The following CMIP variants were observed in gnomAD, a reference collection of about 807,000 sequenced individuals.
CMIP encodes c-Maf inducing protein, also known as C-Maf-inducing protein.
CMIP carries 13 observed loss-of-function variants against 97.3 expected under a neutral mutation model. The observed-to-expected ratio is 0.13, with a 90% CI of 0.09 to 0.21. The LOEUF (loss-of-function observed/expected upper bound fraction) is 0.21. Ranked by LOEUF, CMIP falls within the 10% of genes least tolerant of loss-of-function variation. The pLI is 1.00. For missense variants in CMIP, 847 were observed against 1,024.9 expected, an observed-to-expected ratio of 0.83 and a Z score of 2.37; for synonymous variants, 538 against 436.3, an observed-to-expected ratio of 1.23 and a Z score of -2.91.
intron 9 of CMIP, 62 bp from the exon 10 acceptor site, chr16:81,678,213 G>T: frequency 7.8e-7 from 1 of 1,281,548 alleles, no homozygotes; most frequent in Admixed American, 2.5e-5. Flanking sequence ...TTAGTCTGAT[G>T]GGTCATGGTG....
chr16:81,649,457 G>A (rs1326953213), intron 3 of CMIP, among the ~76,000 whole-genome samples: 1 of 152,242 alleles, frequency 6.6e-6, no homozygotes, highest in African/African-American at 2.4e-5. Flanking sequence ...ATCTGTGTGT[G>A]GAGAACAGGA....
chr16:81,701,256 G>A (rs1907366712), intron 15 of CMIP, among the ~76,000 whole-genome samples: 1 of 152,196 alleles, frequency 6.6e-6, no homozygotes, highest in Non-Finnish European at 1.5e-5. Flanking sequence ...CCAGGGCTCT[G>A]AGCCATTCCG....
At chr16:81,596,103 A>G (rs2091550933) in intron 1 of CMIP, among the ~76,000 whole-genome samples, 11 of 152,114 alleles carry the variant, frequency 7.2e-5, no homozygotes, top group Admixed American at 7.2e-4. Context: ...TATGAGTATA[A>G]TCTCACTTTT....
intron 1 of CMIP, among the ~76,000 whole-genome samples, chr16:81,570,961 A>G (rs969244142): frequency 1.3e-5 from 2 of 152,190 alleles, no homozygotes; most frequent in Non-Finnish European, 2.9e-5. Context: ...CAGAAAAGGG[A>G]CATTAGAGAA....
chr16:81,523,330 T>C (rs2090065414), intron 1 of CMIP, among the ~76,000 whole-genome samples: 1 of 152,258 alleles, frequency 6.6e-6, no homozygotes, highest in African/African-American at 2.4e-5. Context: ...TTCATTTCTT[T>C]TGATTACTGT....
chr16:81,706,192 G>C (rs943588398), intron 19 of CMIP, among the ~76,000 whole-genome samples: 5 of 152,242 alleles, frequency 3.3e-5, no homozygotes, highest in Non-Finnish European at 7.3e-5. Flanking sequence ...TTCTGTATTT[G>C]ACCAGCTTTC....
intron 1 of CMIP, among the ~76,000 whole-genome samples, chr16:81,575,296 T>A (rs1467253291): frequency 6.6e-6 from 1 of 152,186 alleles, no homozygotes; most frequent in Non-Finnish European, 1.5e-5. Flanking sequence ...CTCTGGGCTT[T>A]ACCAGGCTCA....
chr16:81,479,493 G>A (rs1211052693), intron 1 of CMIP, among the ~76,000 whole-genome samples: 1 of 152,046 alleles, frequency 6.6e-6, no homozygotes, highest in African/African-American at 2.4e-5. Flanking sequence ...CCCATTAAAT[G>A]TTAACTCCTA....
intron 1 of CMIP, among the ~76,000 whole-genome samples, chr16:81,508,408 C>G (rs1395151233): frequency 6.6e-6 from 1 of 152,218 alleles, no homozygotes; most frequent in Non-Finnish European, 1.5e-5. Context: ...TATTTTCTCA[C>G]TAAACAATAG....
chr16:81,597,860 C>A (rs536713413), intron 1 of CMIP, among the ~76,000 whole-genome samples: 2 of 152,080 alleles, frequency 1.3e-5, no homozygotes, highest in African/African-American at 2.4e-5. Context: ...CTGTCTCCCC[C>A]CCAGCTTGAT....
At chr16:81,573,032 T>G (rs2091123266) in intron 1 of CMIP, among the ~76,000 whole-genome samples, 1 of 152,194 alleles carries the variant, frequency 6.6e-6, no homozygotes, top group Non-Finnish European at 1.5e-5. Flanking sequence ...GTCAGAGCCA[T>G]AATAGTGACA....
intron 1 of CMIP, among the ~76,000 whole-genome samples, chr16:81,569,479 G>A (rs1024163926): frequency 2.6e-4 from 40 of 152,234 alleles, no homozygotes; most frequent in Non-Finnish European, 8.8e-5. Context: ...GGCCTCAGGG[G>A]ATCCTGGCTT....
In CMIP at chr16:81,506,902, C is replaced by G. The variant is rs531165265; in HGVS notation, c.300+61361C>G. ...CCTGGATGACAGAGCGAGACTCCGT[C>G]TCAAAAAAAAAAAAAAAAAGAAATG... On this transcript the variant is annotated intron_variant, in intron 1 of 20. Coordinates refer to ENST00000537098, the MANE Select transcript of CMIP (RefSeq NM_198390.3). Among the ~76,000 whole-genome samples, 16 of 108,734 alleles carry G rather than the reference C, an allele frequency of 1.5e-4. No homozygotes were observed. In the East Asian group the frequency reaches 4.2e-3, roughly 28 times the overall value. The allele number at this position is 108,734 out of a possible 152,430, so 71.3% of individuals were successfully genotyped here.
chr16:81,603,236 C>T (rs187273161), intron 1 of CMIP, among the ~76,000 whole-genome samples: 18 of 152,194 alleles, frequency 1.2e-4, no homozygotes, highest in Admixed American at 3.9e-4. Flanking sequence ...CCCGCCACCA[C>T]GCCTGGCTCG....
intron 3 of CMIP, among the ~76,000 whole-genome samples, chr16:81,650,819 G>C (rs2092419551): frequency 6.6e-6 from 1 of 152,160 alleles, no homozygotes; most frequent in Non-Finnish European, 1.5e-5. Flanking sequence ...TACAGAACAG[G>C]ACCCTAAGGC....
At chr16:81,569,147 G>T (rs1157825107) in intron 1 of CMIP, among the ~76,000 whole-genome samples, 5 of 152,186 alleles carry the variant, frequency 3.3e-5, no homozygotes, top group Admixed American at 2.6e-4. Context: ...TAAATTGGAT[G>T]CTCTTGGGGT....
intron 1 of CMIP, among the ~76,000 whole-genome samples, chr16:81,521,943 G>C (rs1352592537): frequency 1.3e-5 from 2 of 152,180 alleles, no homozygotes; most frequent in Admixed American, 1.3e-4. Flanking sequence ...GAAATGCAGG[G>C]TACAGAATAT....
intron 1 of CMIP, among the ~76,000 whole-genome samples, chr16:81,577,552 T>G (rs2091216333): frequency 7.1e-6 from 1 of 141,656 alleles, no homozygotes; most frequent in South Asian, 2.3e-4. Flanking sequence ...TATATTATTA[T>G]CACTATCACC....
rs1385940493 is a variant in CMIP, at chr16:81,616,333, G to A, written c.427-4543G>A. 6.6e-6 allele frequency among the ~76,000 whole-genome samples: 1 copy of A among 152,132 alleles called. No individual in the cohort carries two copies. The highest frequency in any genetic ancestry group is 2.4e-5 in the African/African-American group (1 of 41,408). On this transcript the variant is annotated intron_variant, in intron 2 of 20. Transcript: ENST00000537098. This position sits in a 1 kb window ranked among gnomAD's most constrained non-coding sequence, Gnocchi z 4.7. ...GCTTCAGGAGAGCGGAGGAGGGATG[G>A]GGTCCTGGCCGAGGTGTGGGGAGGG...
Sources: allele counts gnomAD v4.1 joint callset (sites outside exome capture counted in the v4.1 genomes callset), GRCh38; gene constraint gnomAD v4.1.1; non-coding constraint Gnocchi (gnomAD v3.1); transcripts MANE v1.5; gene names NCBI Gene and HGNC (gene_info 2026-07-23, HGNC 2026-07-21).